Variants in EYA2 observed in about 807,000 individuals in gnomAD.
The protein encoded by EYA2 is protein phosphatase EYA2.
Under a neutral mutation model 69.2 loss-of-function variants are expected in EYA2, and 31 were observed. That is an observed-to-expected ratio of 0.45 (90% CI 0.34 to 0.60). The LOEUF (loss-of-function observed/expected upper bound fraction) is 0.60, where lower values mean the gene tolerates loss of function less well. EYA2 is among the 20% of genes least tolerant of loss of function. The pLI is 0.02. For missense variants in EYA2, 622 were observed against 701.2 expected (o/e 0.89, Z 1.28); for synonymous variants, 257 against 279.4 (o/e 0.92, Z 0.80).
intron 12 of EYA2, among the ~76,000 whole-genome samples, chr20:47,176,808 T>A (rs1326289776): frequency 7.2e-6 from 1 of 139,600 alleles, no homozygotes; most frequent in Non-Finnish European, 1.6e-5. Context: ...TTTTTTTTTT[T>A]TGAGACAGAG....
intron 5 of EYA2, among the ~76,000 whole-genome samples, chr20:47,047,588 T>C (rs2030110781): frequency 6.6e-6 from 1 of 152,160 alleles, no homozygotes; most frequent in African/African-American, 2.4e-5. Flanking sequence ...GGTTTCACCA[T>C]GTTGGCCAGG....
intron 1 of EYA2, among the ~76,000 whole-genome samples, chr20:46,940,122 A>G (rs564868020): frequency 3.9e-4 from 60 of 152,358 alleles, no homozygotes; most frequent in African/African-American, 1.4e-3. Flanking sequence ...AGAAAGGCTC[A>G]ATCTGGCCCT....
Position 47,172,883 on chromosome 20 carries a change from C to T in EYA2, c.1198+16C>T, listed in dbSNP as rs926852510. On this transcript the variant is annotated intron_variant, in intron 12 of 15. Transcript: ENST00000327619. ...AACGTTGGTGGTGAGTACTGTGAGC[C>T]TTGGGCCTCCGAGGAAGGGAAACTC... The T allele has an allele frequency of 3.8e-6, 6 of 1,594,244 alleles. No homozygotes were observed. The highest frequency in any genetic ancestry group is 1.7e-6 in the Non-Finnish European group (2 of 1,168,080).
intron 5 of EYA2, among the ~76,000 whole-genome samples, chr20:47,071,584 C>T (rs2031315957): frequency 6.6e-6 from 1 of 152,170 alleles, no homozygotes; most frequent in South Asian, 2.1e-4. Context: ...GGCCACCACA[C>T]CTGGCCTCAA....
At chr20:47,108,811 T>C (rs1391565456) in intron 9 of EYA2, among the ~76,000 whole-genome samples, 2 of 151,936 alleles carry the variant, frequency 1.3e-5, no homozygotes, top group Non-Finnish European at 1.5e-5. Context: ...CCCCTCAGCT[T>C]TCCAAGGTGC....
chr20:47,058,435 A>C (rs1042201220), intron 5 of EYA2, among the ~76,000 whole-genome samples: 6 of 152,222 alleles, frequency 3.9e-5, no homozygotes, highest in Admixed American at 3.3e-4. Context: ...AAACTCACAC[A>C]CAGGCCCACA....
chr20:47,029,689 G>A (rs1235752669), intron 5 of EYA2, among the ~76,000 whole-genome samples: 3 of 152,114 alleles, frequency 2.0e-5, no homozygotes, highest in African/African-American at 7.2e-5. Context: ...TATCACCCAA[G>A]CTCCTTGCCT....
intron 7 of EYA2, among the ~76,000 whole-genome samples, chr20:47,082,217 A>G (rs1180623744): frequency 5.9e-5 from 9 of 152,172 alleles, no homozygotes; most frequent in African/African-American, 2.2e-4. Context: ...ACTTTAACCC[A>G]GACAGTTAAA....
At chr20:46,945,816 G>T (rs1229790193) in intron 1 of EYA2, among the ~76,000 whole-genome samples, 3 of 152,204 alleles carry the variant, frequency 2.0e-5, no homozygotes, top group Non-Finnish European at 4.4e-5. Context: ...AAGCTTTTCA[G>T]ACCTTCTGCG....
rs927252623 is a variant in EYA2, at chr20:46,957,752, T to G, written c.-10-32249T>G. Among the ~76,000 whole-genome samples the G allele has an allele frequency of 2.6e-5, 4 of 152,216 alleles. No homozygotes were observed. The East Asian group carries it at 7.7e-4, about 29-fold the overall frequency. On this transcript the variant is annotated intron_variant, in intron 1 of 15. Coordinates refer to ENST00000327619, the MANE Select transcript of EYA2 (RefSeq NM_005244.5). ...CACCTGGATTGTGGCCCAGCAATAC[T>G]GAGTTTGGACTTCTGTCCTTCAGAA...
At chr20:47,002,314 A>T (rs1323812749) in intron 3 of EYA2, among the ~76,000 whole-genome samples, 2 of 152,040 alleles carry the variant, frequency 1.3e-5, no homozygotes, top group Non-Finnish European at 2.9e-5. Flanking sequence ...CTAGGTATTA[A>T]ATTCGACATG....
chr20:46,964,574 G>A (rs1478826543), intron 1 of EYA2, among the ~76,000 whole-genome samples: 2 of 152,222 alleles, frequency 1.3e-5, no homozygotes, highest in Admixed American at 6.5e-5. Flanking sequence ...GTCCTGTGAC[G>A]CAGGTATCCC....
intron 1 of EYA2, among the ~76,000 whole-genome samples, chr20:46,974,153 T>C (rs192863557): frequency 6.6e-6 from 1 of 152,316 alleles, no homozygotes; most frequent in Non-Finnish European, 1.5e-5. Context: ...GACTCAAATA[T>C]GAAAGGCACT....
At chr20:46,925,455 G>A (rs188242111) in intron 1 of EYA2, among the ~76,000 whole-genome samples, 3 of 152,194 alleles carry the variant, frequency 2.0e-5, no homozygotes, top group Non-Finnish European at 2.9e-5. Flanking sequence ...TGGTTTCTCC[G>A]GCATAGGAAA....
In EYA2 at chr20:47,113,009, T is replaced by A. The variant is rs546682284; in HGVS notation, c.888+15841T>A. Among the ~76,000 whole-genome samples, 93 of 151,694 alleles carry A rather than the reference T, an allele frequency of 6.1e-4. No individual in the cohort carries two copies. The South Asian group carries it at 0.01, about 17-fold the overall frequency. On this transcript the variant is annotated intron_variant, in intron 9 of 15. Coordinates refer to ENST00000327619, the MANE Select transcript of EYA2 (RefSeq NM_005244.5). The stretch of plus-strand genomic sequence containing the variant: ...GCCTCAGCCTCCCTAGTAGCTGGGA[T>A]TATAAGCATGCACCACCACGCCCGG...
chr20:47,020,483 C>T (rs1342764133), intron 5 of EYA2, among the ~76,000 whole-genome samples: 1 of 152,096 alleles, frequency 6.6e-6, no homozygotes, highest in Admixed American at 6.5e-5. Context: ...TTAAGTTCAC[C>T]CTGGGGTTTT....
chr20:47,018,401 A>T (rs1451338326), intron 5 of EYA2, among the ~76,000 whole-genome samples: 1 of 152,242 alleles, frequency 6.6e-6, no homozygotes, highest in African/African-American at 2.4e-5. Context: ...CAATCTCCTC[A>T]TGGAGAAAGA....
intron 1 of EYA2, among the ~76,000 whole-genome samples, chr20:46,987,526 G>A (rs576144718): frequency 4.3e-4 from 65 of 152,260 alleles, no homozygotes; most frequent in Admixed American, 4.3e-3. Context: ...CTTGAAAACA[G>A]TGTTGATCAT....
At chr20:47,054,234 A>T (rs2030489557) in intron 5 of EYA2, among the ~76,000 whole-genome samples, 1 of 152,126 alleles carries the variant, frequency 6.6e-6, no homozygotes, top group Non-Finnish European at 1.5e-5. Flanking sequence ...CTTGACCCTG[A>T]TGCCACCCCT....
Sources: allele counts gnomAD v4.1 joint callset (sites outside exome capture counted in the v4.1 genomes callset), GRCh38; gene constraint gnomAD v4.1.1; transcripts MANE v1.5; gene names NCBI Gene and HGNC (gene_info 2026-07-23, HGNC 2026-07-21).